The following ZNF827 variants were observed in gnomAD, a reference collection of about 807,000 sequenced individuals.
ZNF827 encodes zinc finger protein 827.
In ZNF827, 13 loss-of-function variants were observed where a neutral mutation model predicts 102.4. The ratio of observed to expected loss-of-function variants is 0.13; its 90% confidence interval spans 0.08 to 0.20. ZNF827 has a LOEUF of 0.20. Among genes scored for constraint, ZNF827 ranks in the 10% least tolerant of loss-of-function variants. The probability of loss-of-function intolerance (pLI) is 1.00; values close to 1 mark genes in which losing one functional copy is unlikely to be tolerated. For missense variants in ZNF827, 1,103 were observed against 1,344.4 expected, an observed-to-expected ratio of 0.82 and a Z score of 2.81; for synonymous variants, 523 against 536.2, an observed-to-expected ratio of 0.98 and a Z score of 0.34.
chr4:145,915,859 A>G (rs758351105), intron 1 of ZNF827, among the ~76,000 whole-genome samples: 8 of 152,242 alleles, frequency 5.3e-5, no homozygotes, highest in Admixed American at 3.3e-4. Flanking sequence ...CCAAAATACA[A>G]TAGTGGGACA....
intron 7 of ZNF827, among the ~76,000 whole-genome samples, chr4:145,835,612 C>T (rs1007014006): frequency 6.7e-6 from 1 of 150,344 alleles, no homozygotes; most frequent in African/African-American, 2.5e-5. Context: ...TTTGCGTCCT[C>T]CTCTTGTATC....
chr4:145,806,051 T>C lies in ZNF827; in HGVS notation c.2383+17371A>G, dbSNP rs1017332989. On this transcript the variant is annotated intron_variant, in intron 8 of 14. Transcript: ENST00000508784. ...CTCCCCCTCTAGGGTGTATACTTCA[T>C]GAGGACAGGGGCTTTGTTTTATTCA... 2.0e-5 allele frequency among the ~76,000 whole-genome samples: 3 copies of C among 152,052 alleles called. No individual in the cohort carries two copies. In the South Asian group the frequency reaches 6.2e-4, roughly 32 times the overall value.
intron 11 of ZNF827, among the ~76,000 whole-genome samples, chr4:145,771,599 A>C (rs969919198): frequency 6.6e-6 from 1 of 152,222 alleles, no homozygotes; most frequent in Admixed American, 6.5e-5. Context: ...GACGCCAGAC[A>C]GTGGGAGAAA....
At chr4:145,879,132 T>A (rs192183674) in intron 4 of ZNF827, among the ~76,000 whole-genome samples, 2 of 151,462 alleles carry the variant, frequency 1.3e-5, no homozygotes, top group East Asian at 1.9e-4. Context: ...AAAAAAAAAA[T>A]AGGTAATAGC....
intron 7 of ZNF827, chr4:145,839,001 C>T (rs1197761199): frequency 2.0e-5 from 3 of 152,174 alleles, no homozygotes; most frequent in African/African-American, 7.2e-5. Context: ...CAGTATCAGT[C>T]TGCTTCAGTT....
intron 9 of ZNF827, among the ~76,000 whole-genome samples, chr4:145,777,031 T>G (rs1174043634): frequency 1.3e-5 from 2 of 152,232 alleles, no homozygotes; most frequent in Non-Finnish European, 2.9e-5. Context: ...CTATCCTTAA[T>G]GCTTACTTGG....
chr4:145,761,427 G>A lies in ZNF827; in HGVS notation c.*189C>T. 1 of 1,289,844 alleles carries A rather than the reference G, an allele frequency of 7.8e-7. No homozygotes were observed. The highest frequency in any genetic ancestry group is 1.0e-6 in the Non-Finnish European group (1 of 988,876). 79.9% of individuals were successfully genotyped at this position (1,289,844 alleles called of 1,614,324 possible). On this transcript the variant is annotated 3_prime_UTR_variant, in exon 15 of 15. Coordinates refer to ENST00000508784, the MANE Select transcript of ZNF827 (RefSeq NM_001306215.2). The surrounding 1 kb of genome is among the most constrained non-coding windows in gnomAD (Gnocchi z 6.8). ...CGGTCTTGGACAGGTAGCCGCACTGGTCGCACTTGTAGTGGTTGCCCAGGC... is the reference window on the plus strand; with the variant it reads ...CGGTCTTGGACAGGTAGCCGCACTGATCGCACTTGTAGTGGTTGCCCAGGC...
rs1329666149 is a variant in ZNF827, at chr4:145,779,491, C to T, written c.2404G>A (p.Glu802Lys). 1 of 1,613,912 alleles carries T rather than the reference C, an allele frequency of 6.2e-7. No homozygotes were observed. Among genetic ancestry groups the T allele is most frequent in the Admixed American group, 1.7e-5 (1 of 59,948 alleles). ...CAGGATGGTAATCCATTTCCTGCCT[C>T]TAGGACTATCTTTTCTGTTTCTGGG... ...SAPETEKIVL[E>K]AGNGLPSWKF... Residue 802 changes from glutamate to lysine, a missense_variant, in exon 9 of 15, where the codon GAG (glutamate) becomes AAG (lysine). By Grantham distance (56) the Glu-to-Lys change is moderately conservative. This residue lies in a region of ZNF827 where 242 missense variants were observed against 361.9 expected (regional missense o/e 0.67). Transcript: ENST00000508784.
At chr4:145,832,434 A>C (rs112586836) in intron 7 of ZNF827, 7 of 152,268 alleles carry the variant, frequency 4.6e-5, no homozygotes, top group African/African-American at 1.4e-4. Context: ...TTCACCCTCC[A>C]ATCATTAAAA....
At chr4:145,879,274 G>T (rs1561032696) in intron 4 of ZNF827, among the ~76,000 whole-genome samples, 3 of 152,172 alleles carry the variant, frequency 2.0e-5, no homozygotes, top group Non-Finnish European at 2.9e-5. Flanking sequence ...GACCCTATAG[G>T]GCTGTGGTGA....
chr4:145,770,757 ATTAAAT>A (rs910903808), intron 11 of ZNF827, among the ~76,000 whole-genome samples: 5 of 152,130 alleles, frequency 3.3e-5, no homozygotes, highest in Middle Eastern at 3.2e-3. Flanking sequence ...GTACCTTAAA[ATTAAAT>A]TTAAAGGTAA....
intron 1 of ZNF827, among the ~76,000 whole-genome samples, chr4:145,925,634 T>A (rs1451230601): frequency 6.6e-6 from 1 of 152,168 alleles, no homozygotes; most frequent in Non-Finnish European, 1.5e-5. Flanking sequence ...TTGTCACTGC[T>A]CTAACATGAC....
chr4:145,831,839 G>C (rs899694944), intron 7 of ZNF827: 1 of 149,334 alleles, frequency 6.7e-6, no homozygotes, highest in African/African-American at 2.5e-5. Flanking sequence ...TATGGGTGAT[G>C]GGAATATAGT....
chr4:145,770,307 TAAATAAATAAATAA>T (rs922266981), intron 11 of ZNF827, among the ~76,000 whole-genome samples: 1 of 43,548 alleles, frequency 2.3e-5, no homozygotes, highest in Non-Finnish European at 6.9e-5. Context: ...TTAAAATAAA[TAAATAAATAAATAA>T]ATAAATAAAT....
intron 10 of ZNF827, 54 bp from the exon 11 acceptor site, chr4:145,774,726 C>G (rs1028689378): frequency 1.0e-5 from 16 of 1,571,418 alleles, no homozygotes; most frequent in Non-Finnish European, 1.4e-5. Flanking sequence ...ACACATACTT[C>G]TAAATGTAGG....
intron 11 of ZNF827, among the ~76,000 whole-genome samples, chr4:145,773,871 G>T (rs1736650351): frequency 6.6e-6 from 1 of 152,148 alleles, no homozygotes; most frequent in South Asian, 2.1e-4. Flanking sequence ...AAGTAGGTGT[G>T]TAGTGCCCTG....
At position 145,765,184 on chromosome 4, in the gene ZNF827, G is replaced by C; in HGVS notation, c.3053-19C>G. The C allele has an allele frequency of 1.3e-6, 2 of 1,584,120 alleles. No homozygotes were observed. The highest frequency in any genetic ancestry group is 8.6e-7 in the Non-Finnish European group (1 of 1,163,546). Reference sequence around the variant, plus strand: ...TCGAACCCTGCAAGGACCGAAGCTGGGTATAGAGGTGCACAGGGCAGCGGG... The same window carrying C: ...TCGAACCCTGCAAGGACCGAAGCTGCGTATAGAGGTGCACAGGGCAGCGGG... On this transcript the variant is annotated intron_variant, in intron 12 of 14. Coordinates refer to ENST00000508784, the MANE Select transcript of ZNF827 (RefSeq NM_001306215.2). This position sits in a 1 kb window ranked among gnomAD's most constrained non-coding sequence, Gnocchi z 4.7.
intron 2 of ZNF827, among the ~76,000 whole-genome samples, chr4:145,901,575 C>CA (rs1751419075): frequency 6.6e-6 from 1 of 152,152 alleles, no homozygotes. Flanking sequence ...GTTTGATTGA[C>CA]AATCTTTTTG....
chr4:145,776,522 T>C (rs1302415809), intron 9 of ZNF827, among the ~76,000 whole-genome samples: 1 of 151,922 alleles, frequency 6.6e-6, no homozygotes, highest in Non-Finnish European at 1.5e-5. Flanking sequence ...GCTTTTTTTT[T>C]CCTGGACACC....
Sources: gnomAD v4.1 joint callset for allele counts (sites outside exome capture counted in the v4.1 genomes callset) on GRCh38, gnomAD v4.1.1 for gene constraint, gnomAD v4.1.1 regional missense constraint, Gnocchi (gnomAD v3.1) non-coding constraint, MANE v1.5 for transcripts, NCBI Gene and HGNC (gene_info 2026-07-23, HGNC 2026-07-21) for gene names.